The following FAT1 variants were observed in gnomAD, a reference collection of about 807,000 sequenced individuals.
FAT1 encodes the protein protocadherin Fat 1.
In FAT1, 171 loss-of-function variants were observed where a neutral mutation model predicts 329.8. The observed-to-expected ratio is 0.52, with a 90% CI of 0.46 to 0.59. FAT1 has a LOEUF of 0.59. FAT1 is among the 20% of genes least tolerant of loss of function. The pLI is 0.00. For synonymous variants in FAT1, 2,233 were observed against 2,228.6 expected (o/e 1.00, Z -0.06); for missense variants, 5,672 against 5,774.4 (o/e 0.98, Z 0.57).
chr4:186,691,300 C>A (rs938952105), intron 2 of FAT1, among the ~76,000 whole-genome samples: 5 of 152,186 alleles, frequency 3.3e-5, no homozygotes, highest in Admixed American at 3.3e-4. Context: ...GCAGATTCAT[C>A]TCTAACACCA....
At chr4:186,622,740 G>A (rs548802704) in intron 9 of FAT1, among the ~76,000 whole-genome samples, 8 of 152,286 alleles carry the variant, frequency 5.3e-5, no homozygotes, top group South Asian at 2.1e-4. Context: ...TCAGGGTGGC[G>A]TTGCAGGTTC....
At position 186,706,990 on chromosome 4, in the gene FAT1, G is replaced by A. The variant is rs890853293; in HGVS notation, c.2838C>T (p.Ile946=). The A allele has an allele frequency of 1.2e-6, 2 of 1,613,970 alleles. No individual in the cohort carries two copies. The highest frequency in any genetic ancestry group is 1.7e-6 in the Non-Finnish European group (2 of 1,179,876). The change falls in exon 2 of 27, where the codon ATC becomes ATT. Residue 946 remains isoleucine, a synonymous_variant. Coordinates refer to ENST00000441802, the MANE Select transcript of FAT1 (RefSeq NM_005245.4). ...VREDLPEGTV[I]MWLEAHDPDL... is the part of the protein sequence containing the mutation. The stretch of plus-strand genomic sequence containing the variant: ...CAGGATCGTGGGCTTCTAACCACAT[G>A]ATGACGGTTCCTTCTGGAAGATCCT...
rs146212061 is a variant in FAT1 at position 186,638,866 on chromosome 4, G to A, written c.3642+856C>T. Among the ~76,000 whole-genome samples, 498 of 150,246 alleles carry A rather than the reference G, an allele frequency of 3.3e-3. 5 individuals carry two copies. Among genetic ancestry groups the A allele is most frequent in the African/African-American group, 0.011 (443 of 39,648 alleles). ...GGTGGCCTTTTCCAAGGCTGGCTCCGATAATGAACACCAGTCTTCCACACG... is the reference window on the plus strand; with the variant it reads ...GGTGGCCTTTTCCAAGGCTGGCTCCAATAATGAACACCAGTCTTCCACACG... On this transcript the variant is annotated intron_variant, in intron 4 of 26. Transcript: ENST00000441802.
chr4:186,708,086 T>G lies in FAT1; in HGVS notation c.1742A>C (p.Asp581Ala). ...KINCEGTIPR[D>A]LGVGEQITTV... ...GGTTATTTGCTCTCCCACGCCTAGA[T>G]CTCTGGGAATTGTCCCTTCACAATT... is the stretch of plus-strand genomic sequence containing the variant. Residue 581 changes from aspartate (D) to alanine (A), a missense_variant, in exon 2 of 27, where the codon GAT (aspartate) becomes GCT (alanine). Asp to Ala is a moderately radical substitution (Grantham distance 126). This residue lies in a region of FAT1 where 3,966 missense variants were observed against 3,915.2 expected (regional missense o/e 1.01). Transcript: ENST00000441802. The G allele has an allele frequency of 1.2e-6, 2 of 1,613,970 alleles. No homozygotes were observed. The highest frequency in any genetic ancestry group is 1.7e-6 in the Non-Finnish European group (2 of 1,179,888).
intron 7 of FAT1, among the ~76,000 whole-genome samples, chr4:186,630,539 C>T (rs887856319): frequency 6.6e-6 from 1 of 152,026 alleles, no homozygotes; most frequent in Non-Finnish European, 1.5e-5. Flanking sequence ...TGAAGAATGG[C>T]GACTGGAAGG....
At chr4:186,657,102 G>C (rs1299740074) in intron 3 of FAT1, among the ~76,000 whole-genome samples, 1 of 152,116 alleles carries the variant, frequency 6.6e-6, no homozygotes, top group Non-Finnish European at 1.5e-5. Context: ...TTTCTGCCTT[G>C]AGACAGTTTC....
intron 21 of FAT1, among the ~76,000 whole-genome samples, chr4:186,601,017 T>C (rs1463509752): frequency 6.6e-6 from 1 of 152,160 alleles, no homozygotes; most frequent in African/African-American, 2.4e-5. Context: ...CAGCCAACAT[T>C]ATTAAAATGG....
At chr4:186,595,493 C>T (rs754659447) in intron 26 of FAT1, among the ~76,000 whole-genome samples, 196 bp downstream of exon 26, 1 of 152,128 alleles carries the variant, frequency 6.6e-6, no homozygotes, top group Non-Finnish European at 1.5e-5. Flanking sequence ...AGTTCAAACA[C>T]CTATTCATTA....
rs1262941238 is a variant in FAT1 at position 186,663,367 on chromosome 4, T to G, written c.3512A>C (p.Asn1171Thr). 1 of 1,614,028 alleles carries G rather than the reference T, an allele frequency of 6.2e-7. No homozygotes were observed. Among genetic ancestry groups the G allele is most frequent in the South Asian group, 1.1e-5 (1 of 91,080 alleles). Residue 1171 changes from asparagine (N) to threonine (T), a missense_variant, in exon 3 of 27, where the codon AAT becomes ACT. Coordinates refer to ENST00000441802, the MANE Select transcript of FAT1 (RefSeq NM_005245.4). ...TGTAATTTTGTACATGAGCTTGTCATTAGAGCTCGAATCTGGATCAAATGC... is the reference window on the plus strand; with the variant it reads ...TGTAATTTTGTACATGAGCTTGTCAGTAGAGCTCGAATCTGGATCAAATGC... ...IEAFDPDSSS[N>T]DKLMYKITSG...
intron 2 of FAT1, among the ~76,000 whole-genome samples, chr4:186,696,956 C>A (rs1467710149): frequency 1.3e-5 from 2 of 152,152 alleles, no homozygotes; most frequent in Non-Finnish European, 2.9e-5. Context: ...CTTGGAGGTG[C>A]AGGCTGCAGC....
chr4:186,604,110 G>C (rs189263992), intron 18 of FAT1, 133 bp from the exon 19 acceptor site: 18 of 746,188 alleles, frequency 2.4e-5, no homozygotes, highest in Admixed American at 8.7e-5. Flanking sequence ...CACAAGAAAC[G>C]TATCAAAGAA....
chr4:186,597,555 G>C lies in FAT1; in HGVS notation c.12368+127C>G, dbSNP rs569056273. The stretch of plus-strand genomic sequence containing the variant: ...AGTGAAAAGATTATAAATTATATAA[G>C]GGGCCAATATGAGGATTATCAAAAT... On this transcript the variant is annotated intron_variant, in intron 24 of 26. Transcript: ENST00000441802. The C allele has an allele frequency of 2.8e-4, 187 of 659,228 alleles. 1 individual carries two copies. The South Asian group carries it at 3.6e-3, about 13-fold the overall frequency. The allele number at this position is 659,228 out of a possible 1,614,324, so 40.8% of individuals were successfully genotyped here. A position where few individuals can be genotyped will look rare whatever the true frequency, so the allele number is the denominator to read the frequency against.
chr4:186,721,846 T>C (rs999110235), intron 1 of FAT1, among the ~76,000 whole-genome samples: 1 of 152,072 alleles, frequency 6.6e-6, no homozygotes, highest in African/African-American at 2.4e-5. Context: ...TTTTAAAGAT[T>C]TTTCTTCTCT....
chr4:186,681,402 T>C (rs1743199189), intron 2 of FAT1, among the ~76,000 whole-genome samples: 1 of 152,216 alleles, frequency 6.6e-6, no homozygotes, highest in Non-Finnish European at 1.5e-5. Flanking sequence ...TAAAGAGGTA[T>C]GACACCTTAA....
At chr4:186,598,366 T>C (rs938306540) in intron 22 of FAT1, among the ~76,000 whole-genome samples, 1 of 152,194 alleles carries the variant, frequency 6.6e-6, no homozygotes, top group Non-Finnish European at 1.5e-5. Context: ...TTAAGATCAC[T>C]AGGTCACACA....
At chr4:186,616,325 C>G (rs1357964355) in intron 11 of FAT1, among the ~76,000 whole-genome samples, 1 of 152,156 alleles carries the variant, frequency 6.6e-6, no homozygotes, top group South Asian at 2.1e-4. Flanking sequence ...CCAAGACTCT[C>G]AGTGCAGACT....
chr4:186,697,511 G>A (rs1361306867), intron 2 of FAT1, among the ~76,000 whole-genome samples: 1 of 152,200 alleles, frequency 6.6e-6, no homozygotes, highest in Non-Finnish European at 1.5e-5. Context: ...TGAAACAGGT[G>A]TATAAAGAAC....
intron 1 of FAT1, among the ~76,000 whole-genome samples, chr4:186,720,416 C>T (rs186372903): frequency 6.6e-6 from 1 of 152,270 alleles, no homozygotes; most frequent in East Asian, 1.9e-4. Context: ...CCTAAGATAA[C>T]ATGGTACGGT....
At chr4:186,600,791 AC>A (rs1179242894) in intron 21 of FAT1, among the ~76,000 whole-genome samples, 1 of 152,146 alleles carries the variant, frequency 6.6e-6, no homozygotes, top group Non-Finnish European at 1.5e-5. Flanking sequence ...ACTCACTGCA[AC>A]CTCTGCCTCC....
Sources: gnomAD v4.1 joint callset for allele counts (sites outside exome capture counted in the v4.1 genomes callset) on GRCh38, gnomAD v4.1.1 for gene constraint, gnomAD v4.1.1 regional missense constraint, MANE v1.5 for transcripts, NCBI Gene and HGNC (gene_info 2026-07-23, HGNC 2026-07-21) for gene names.